SEMA4F: variants seen among roughly 807,000 people sequenced by gnomAD.
The protein encoded by SEMA4F is semaphorin-4F.
A neutral mutation model predicts 78.4 loss-of-function variants in SEMA4F; 51 were observed. That is an observed-to-expected ratio of 0.65 (90% CI 0.52 to 0.82). The LOEUF is 0.82. SEMA4F is among the 40% of genes least tolerant of loss of function. The pLI is 0.00. For synonymous variants in SEMA4F, 418 were observed against 408.7 expected (o/e 1.02, Z -0.27); for missense variants, 938 against 1,014.4 (o/e 0.92, Z 1.02).
At position 74,675,606 on chromosome 2, in the gene SEMA4F, A is replaced by T. The variant is rs777609042; in HGVS notation, c.1454A>T (p.Gln485Leu). The change falls in exon 11 of 14, where the codon CAG (glutamine) becomes CTG (leucine). Residue 485 changes from glutamine (Q) to leucine (L), a missense_variant. Transcript: ENST00000357877. ...GATCTGGCCTTATTCCCAGAGCCAC[A>T]GCCAGTTGAGAACATGAAATTGTAC... ...LEDLALFPEP[Q>L]PVENMKLYHS... The T allele has an allele frequency of 6.2e-6, 10 of 1,614,192 alleles. No homozygotes were observed. The highest frequency in any genetic ancestry group is 1.1e-5 in the South Asian group (1 of 91,076).
chr2:74,690,434 A>T, the SEMA4F span, among the ~76,000 whole-genome samples: 712 of 152,238 alleles, frequency 4.7e-3, 7 homozygotes, highest in African/African-American at 0.016. Context: ...AGAGGTGGGG[A>T]AGGAGAATAA....
At chr2:74,675,715 C>G (rs778927299) in intron 11 of SEMA4F, 34 bp from the exon 12 acceptor site, 2 of 1,613,424 alleles carry the variant, frequency 1.2e-6, no homozygotes, top group Admixed American at 1.7e-5. Flanking sequence ...CTGGGAGATC[C>G]AGTGTATTCC....
the SEMA4F span, among the ~76,000 whole-genome samples, chr2:74,692,913 G>A: frequency 6.6e-6 from 1 of 152,242 alleles, no homozygotes; most frequent in East Asian, 1.9e-4. Flanking sequence ...GTTTATTTGT[G>A]GGTGAAAGAA....
chr2:74,670,296 C>T (rs930883560), intron 5 of SEMA4F, among the ~76,000 whole-genome samples: 1 of 151,946 alleles, frequency 6.6e-6, no homozygotes, highest in African/African-American at 2.4e-5. Flanking sequence ...GGGGTGTGTA[C>T]GTGTATATCT....
intron 2 of SEMA4F, among the ~76,000 whole-genome samples, chr2:74,657,302 A>T (rs6728546): frequency 0.045 from 6,828 of 152,268 alleles, 541 homozygotes; most frequent in African/African-American, 0.16. Context: ...ACTGAAAGAA[A>T]CCTTTCTTGA....
chr2:74,678,467 A>G (rs1685407695), intron 12 of SEMA4F, among the ~76,000 whole-genome samples: 1 of 152,216 alleles, frequency 6.6e-6, no homozygotes, highest in Non-Finnish European at 1.5e-5. Flanking sequence ...TATTCATACC[A>G]GTCTTGGGAG....
At chr2:74,675,690 T>C in intron 11 of SEMA4F, 56 bp downstream of exon 11, 2 of 1,613,348 alleles carry the variant, frequency 1.2e-6, no homozygotes, top group Non-Finnish European at 1.7e-6. Flanking sequence ...CAGAGCCAGT[T>C]TGTGACCCTG....
the SEMA4F span, among the ~76,000 whole-genome samples, chr2:74,693,579 G>C: frequency 6.6e-6 from 1 of 152,218 alleles, no homozygotes; most frequent in African/African-American, 2.4e-5. Context: ...TGATGGTATA[G>C]TTTTTCTCCT....
chr2:74,695,860 C>T, the SEMA4F span, among the ~76,000 whole-genome samples: 27 of 152,222 alleles, frequency 1.8e-4, no homozygotes, highest in African/African-American at 4.8e-4. Context: ...GTCTGTACAA[C>T]GAAAGGGCAC....
intron 5 of SEMA4F, among the ~76,000 whole-genome samples, chr2:74,672,345 C>T (rs1245862029): frequency 1.3e-5 from 2 of 152,200 alleles, no homozygotes; most frequent in African/African-American, 4.8e-5. Context: ...AGATACTGTT[C>T]CCTCAGGTAG....
At chr2:74,661,287 G>A (rs1201709959) in intron 4 of SEMA4F, among the ~76,000 whole-genome samples, 1 of 152,228 alleles carries the variant, frequency 6.6e-6, no homozygotes, top group East Asian at 1.9e-4. Flanking sequence ...TTGAAAATAA[G>A]TAGGTTTGGC....
the SEMA4F span, among the ~76,000 whole-genome samples, chr2:74,692,633 T>C: frequency 2.0e-5 from 3 of 152,126 alleles, no homozygotes; most frequent in Middle Eastern, 3.2e-3. Context: ...TGCAAACAGC[T>C]AGGATAGGGC....
intron 5 of SEMA4F, among the ~76,000 whole-genome samples, chr2:74,666,562 C>T (rs570403753): frequency 6.6e-6 from 1 of 152,068 alleles, no homozygotes; most frequent in Non-Finnish European, 1.5e-5. Flanking sequence ...AAATCATAGT[C>T]AATACTAATA....
At chr2:74,697,179 T>C in the SEMA4F span, among the ~76,000 whole-genome samples, 1 of 152,250 alleles carries the variant, frequency 6.6e-6, no homozygotes, top group Non-Finnish European at 1.5e-5. Context: ...TCCCAGGTTA[T>C]AGTCTTCTTG....
At chr2:74,656,804 AG>A in intron 2 of SEMA4F, 119 bp downstream of exon 2, 1 of 1,093,638 alleles carries the variant, frequency 9.1e-7, no homozygotes. Context: ...GGGTAGTAGG[AG>A]GGGGTGAGTT....
rs564981403 is a variant in SEMA4F at position 74,679,728 on chromosome 2, G to A, written c.1832G>A (p.Arg611Gln). The stretch of plus-strand genomic sequence containing the variant: ...GGAGTGACTGCACTCACCCCCCGGC[G>A]GGATGGACTGGAGGTGGTGGTGACC... ...PSGVTALTPR[R>Q]DGLEVVVTPG... Residue 611 changes from arginine (R) to glutamine (Q), a missense_variant, in exon 14 of 14, where the codon CGG (arginine) becomes CAG (glutamine). Arg to Gln is a conservative substitution (Grantham distance 43). Transcript: ENST00000357877. 6.8e-6 allele frequency: 11 copies of A among 1,614,172 alleles called. No individual in the cohort carries two copies. Among genetic ancestry groups the A allele is most frequent in the African/African-American group, 1.3e-5 (1 of 75,058 alleles).
the SEMA4F span, among the ~76,000 whole-genome samples, chr2:74,705,105 A>G: frequency 3.9e-5 from 6 of 152,246 alleles, no homozygotes; most frequent in African/African-American, 1.4e-4. Flanking sequence ...AATACAAATT[A>G]CATTTTTTAA....
the SEMA4F span, among the ~76,000 whole-genome samples, chr2:74,694,245 A>AT: frequency 6.7e-6 from 1 of 150,120 alleles, no homozygotes; most frequent in Admixed American, 6.6e-5. Flanking sequence ...TCAGTCTCTC[A>AT]TTTTTTTTAA....
At chr2:74,674,466 A>G in intron 7 of SEMA4F, 32 bp from the exon 8 acceptor site, 3 of 1,581,394 alleles carry the variant, frequency 1.9e-6, no homozygotes, top group African/African-American at 1.4e-5. Context: ...ATGATCATCT[A>G]AAGAGAACCT....
Sources: gnomAD v4.1 joint callset for allele counts (sites outside exome capture counted in the v4.1 genomes callset) on GRCh38, gnomAD v4.1.1 for gene constraint, MANE v1.5 for transcripts, NCBI Gene and HGNC (gene_info 2026-07-23, HGNC 2026-07-21) for gene names.